Variants in NDRG3 observed in about 807,000 individuals in gnomAD.
NDRG3 encodes protein NDRG3.
A neutral mutation model predicts 57.2 loss-of-function variants in NDRG3; 23 were observed. That is an observed-to-expected ratio of 0.40 (90% CI 0.29 to 0.57). The LOEUF (loss-of-function observed/expected upper bound fraction) is 0.57, where lower values mean the gene tolerates loss of function less well. NDRG3 is among the 20% of genes least tolerant of loss of function. The pLI is 0.42. For missense variants in NDRG3, 384 were observed against 457.3 expected (o/e 0.84, Z 1.46); for synonymous variants, 132 against 162.6 (o/e 0.81, Z 1.43).
chr20:36,687,681 A>C, intron 4 of NDRG3, 69 bp from the exon 5 acceptor site: 4 of 1,528,326 alleles, frequency 2.6e-6, no homozygotes, highest in Non-Finnish European at 1.8e-6. Context: ...TACTCAGTCA[A>C]TGCCTATTAT....
At chr20:36,659,423 C>T (rs1978961711) in intron 13 of NDRG3, among the ~76,000 whole-genome samples, 1 of 151,722 alleles carries the variant, frequency 6.6e-6, no homozygotes. Flanking sequence ...CCACCGTGCC[C>T]AGCCCGTCTC....
intron 1 of NDRG3, among the ~76,000 whole-genome samples, chr20:36,738,714 T>TTCCCAGCTA: frequency 6.9e-6 from 1 of 145,460 alleles, no homozygotes. Flanking sequence ...TCCCAGCTAC[T>TTCCCAGCTA]CGGGAGGCTG....
At chr20:36,676,650 A>G (rs1980742001) in intron 8 of NDRG3, among the ~76,000 whole-genome samples, 1 of 152,184 alleles carries the variant, frequency 6.6e-6, no homozygotes, top group Non-Finnish European at 1.5e-5. Flanking sequence ...TTTAGTAGAA[A>G]CGGGGTTTCG....
At chr20:36,705,891 C>T (rs537761319) in intron 3 of NDRG3, among the ~76,000 whole-genome samples, 3 of 152,006 alleles carry the variant, frequency 2.0e-5, no homozygotes, top group East Asian at 3.9e-4. Flanking sequence ...ATTACAGGCA[C>T]GCACCATCAC....
intron 3 of NDRG3, among the ~76,000 whole-genome samples, chr20:36,698,349 G>C (rs1982976888): frequency 6.6e-6 from 1 of 151,944 alleles, no homozygotes; most frequent in African/African-American, 2.4e-5. Context: ...CAGCACTTTG[G>C]GAGGCTGGGG....
At chr20:36,680,976 G>T in intron 7 of NDRG3, 74 bp from the exon 8 acceptor site, 1 of 1,247,456 alleles carries the variant, frequency 8.0e-7, no homozygotes, top group South Asian at 1.2e-5. Flanking sequence ...GAACATGGTT[G>T]ATCAATTCTT....
At chr20:36,699,537 A>C (rs555904696) in intron 3 of NDRG3, among the ~76,000 whole-genome samples, 13 of 152,258 alleles carry the variant, frequency 8.5e-5, no homozygotes, top group African/African-American at 2.4e-4. Context: ...TCTTCTGTCA[A>C]ACTCAAACCT....
intron 8 of NDRG3, among the ~76,000 whole-genome samples, chr20:36,680,169 TCA>T (rs1981133179): frequency 6.6e-6 from 1 of 151,496 alleles, no homozygotes; most frequent in African/African-American, 2.4e-5. Context: ...TGGATGAGTT[TCA>T]CAGACACCGT....
intron 3 of NDRG3, among the ~76,000 whole-genome samples, chr20:36,697,827 G>C (rs1338388604): frequency 1.3e-5 from 2 of 151,844 alleles, no homozygotes; most frequent in Non-Finnish European, 2.9e-5. Context: ...TTTTGTAATA[G>C]ATTTGTGTAT....
At chr20:36,688,567 T>C (rs1981987298) in intron 4 of NDRG3, 112 bp downstream of exon 4, 1 of 780,398 alleles carries the variant, frequency 1.3e-6, no homozygotes, top group Admixed American at 2.3e-5. Context: ...GGAGGGAAAG[T>C]TACCACAGAG....
At chr20:36,658,836 T>C (rs1978905925) in intron 13 of NDRG3, among the ~76,000 whole-genome samples, 1 of 152,124 alleles carries the variant, frequency 6.6e-6, no homozygotes, top group Non-Finnish European at 1.5e-5. Context: ...AGAAAGAAAA[T>C]GCATCCACCC....
chr20:36,683,691 TACAC>T (rs60391182), intron 6 of NDRG3, among the ~76,000 whole-genome samples: 8 of 146,730 alleles, frequency 5.5e-5, no homozygotes, highest in African/African-American at 1.5e-4. Context: ...CACATATATG[TACAC>T]ACACACACAC....
intron 3 of NDRG3, among the ~76,000 whole-genome samples, chr20:36,697,532 C>A (rs755444842): frequency 1.6e-4 from 25 of 152,066 alleles, no homozygotes; most frequent in South Asian, 1.2e-3. Flanking sequence ...TATGGCGAAA[C>A]CCCATCTCTA....
intron 12 of NDRG3, among the ~76,000 whole-genome samples, 184 bp from the exon 13 acceptor site, chr20:36,660,568 A>ATTTATTTT (rs1555795881): frequency 1.4e-5 from 2 of 145,276 alleles, no homozygotes; most frequent in East Asian, 2.0e-4. Context: ...TTATTTATTT[A>ATTTATTTT]TTTTTTTTTT....
intron 3 of NDRG3, among the ~76,000 whole-genome samples, chr20:36,697,728 T>G (rs2148148581): frequency 6.6e-6 from 1 of 151,954 alleles, no homozygotes; most frequent in South Asian, 2.1e-4. Flanking sequence ...AAAAAAAGAT[T>G]TAATACTGCA....
intron 8 of NDRG3, among the ~76,000 whole-genome samples, chr20:36,674,886 ATTTTTTTTT>A (rs34146274): frequency 3.5e-4 from 14 of 39,668 alleles, no homozygotes; most frequent in African/African-American, 5.1e-4. Context: ...GCCCAGCCAG[ATTTTTTTTT>A]TTTTTTTTTT....
At position 36,652,745 on chromosome 20, in the gene NDRG3, T is replaced by C. The variant is rs1322144212; in HGVS notation, c.*775A>G. The C allele has an allele frequency of 6.6e-6, 1 of 152,134 alleles. No homozygotes were observed. 9.4% of individuals were successfully genotyped at this position (152,134 alleles called of 1,614,324 possible). ...TTTCCACCTTCCTGTGCTAAGAGAG[T>C]CCAGTAATTAAACCACATTCACTCC... On this transcript the variant is annotated 3_prime_UTR_variant, in exon 16 of 16. Transcript: ENST00000349004.
intron 6 of NDRG3, 46 bp downstream of exon 6, chr20:36,684,367 T>A (rs749981184): frequency 1.6e-5 from 23 of 1,482,956 alleles, no homozygotes; most frequent in Non-Finnish European, 2.2e-5. Flanking sequence ...TAATTCACCA[T>A]AGAAAGTCAA....
intron 13 of NDRG3, 28 bp from the exon 14 acceptor site, chr20:36,656,560 C>T: frequency 6.2e-7 from 1 of 1,613,622 alleles, no homozygotes; most frequent in East Asian, 2.2e-5. Context: ...TGCAAGTCAG[C>T]TGGGACTTAC....
Sources: allele counts gnomAD v4.1 joint callset (sites outside exome capture counted in the v4.1 genomes callset), GRCh38; gene constraint gnomAD v4.1.1; transcripts MANE v1.5; gene names NCBI Gene and HGNC (gene_info 2026-07-23, HGNC 2026-07-21).